Variants in RICTOR observed in about 807,000 individuals in gnomAD.
RICTOR encodes rapamycin-insensitive companion of mTOR.
A neutral mutation model predicts 214.9 loss-of-function variants in RICTOR; 49 were observed. The observed-to-expected ratio is 0.23, with a 90% CI of 0.18 to 0.29. The LOEUF is 0.29. Among genes scored for constraint, RICTOR ranks in the 10% least tolerant of loss-of-function variants. RICTOR has a pLI of 1.00. For missense variants in RICTOR, 1,625 were observed against 2,047.0 expected (o/e 0.79, Z 3.98); for synonymous variants, 717 against 711.3 (o/e 1.01, Z -0.13).
At chr5:38,964,952 G>A in intron 15 of RICTOR, 60 bp from the exon 16 acceptor site, 2 of 963,940 alleles carry the variant, frequency 2.1e-6, no homozygotes, top group South Asian at 2.8e-5. Context: ...TTATGTCACA[G>A]ATTACCTGCA....
At chr5:39,008,897 A>G (rs1252400298) in intron 3 of RICTOR, among the ~76,000 whole-genome samples, 1 of 152,062 alleles carries the variant, frequency 6.6e-6, no homozygotes, top group Admixed American at 6.5e-5. Context: ...TGTTATCATT[A>G]CTTCATCCTT....
rs572806575 is a variant in RICTOR at position 38,942,633 on chromosome 5, A to C, written c.5052+200T>G. 5.1e-4 allele frequency among the ~76,000 whole-genome samples: 77 copies of C among 151,416 alleles called. 1 individual carries two copies. Among genetic ancestry groups the C allele is most frequent in the Non-Finnish European group, 1.5e-5 (1 of 67,772 alleles). ...CCTCGGCTAATTAAAAAAAAAAAAA[A>C]ACTGTGTTGACACGGTCTCACTATG... On this transcript the variant is annotated intron_variant, in intron 37 of 37. Transcript: ENST00000357387.
chr5:39,004,921 A>C (rs1020708650), intron 3 of RICTOR, among the ~76,000 whole-genome samples: 4 of 151,202 alleles, frequency 2.6e-5, no homozygotes, highest in African/African-American at 9.7e-5. Flanking sequence ...AGCTGGGATT[A>C]CAGGCATGTG....
At chr5:38,989,220 C>T (rs1387508914) in intron 7 of RICTOR, among the ~76,000 whole-genome samples, 2 of 152,236 alleles carry the variant, frequency 1.3e-5, no homozygotes, top group African/African-American at 4.8e-5. Flanking sequence ...ACATCTACAA[C>T]CATCTGATCT....
intron 2 of RICTOR, among the ~76,000 whole-genome samples, chr5:39,041,895 C>T (rs186701564): frequency 7.2e-6 from 1 of 139,358 alleles, no homozygotes; most frequent in Admixed American, 7.6e-5. Context: ...GAGCTATGAT[C>T]ATGCCACTGG....
intron 2 of RICTOR, among the ~76,000 whole-genome samples, chr5:39,068,870 A>C (rs1759096998): frequency 2.0e-5 from 3 of 152,170 alleles, no homozygotes. Context: ...TTGGGGTGCA[A>C]AGTTTTACAC....
chr5:38,954,889 C>G (rs1561453089), intron 26 of RICTOR, 28 bp from the exon 27 acceptor site: 1 of 1,196,380 alleles, frequency 8.4e-7, no homozygotes, highest in Non-Finnish European at 1.2e-6. Context: ...ATTACTATAT[C>G]TCTTGGCTAA....
intron 36 of RICTOR, chr5:38,944,159 TAAAAAAGTGAGA>T (rs1448687226): frequency 1.4e-5 from 7 of 490,200 alleles, no homozygotes; most frequent in African/African-American, 9.7e-5. Context: ...TTTCCAAAAG[TAAAAAAGTGAGA>T]AGAGTGGCAT....
chr5:39,034,853 G>C (rs1756551392), intron 2 of RICTOR, among the ~76,000 whole-genome samples: 1 of 152,244 alleles, frequency 6.6e-6, no homozygotes, highest in Non-Finnish European at 1.5e-5. Context: ...GCAGCTCAAG[G>C]AGGCCTGCCT....
Position 38,940,567 on chromosome 5 carries a change from C to T in RICTOR, c.*1737G>A, listed in dbSNP as rs1011460263. On this transcript the variant is annotated 3_prime_UTR_variant, in exon 38 of 38. Transcript: ENST00000357387. ...GATAAAGTATAAAAAAATTATTTAT[C>T]TTCAACTGGATTTTATGAGAGAAAA... is the stretch of plus-strand genomic sequence containing the variant. 13 of 232,368 alleles carry T rather than the reference C, an allele frequency of 5.6e-5. 1 individual carries two copies. Among genetic ancestry groups the T allele is most frequent in the African/African-American group, 2.7e-4 (12 of 45,280 alleles). 14.4% of individuals were successfully genotyped at this position (232,368 alleles called of 1,614,324 possible).
At chr5:39,072,745 G>GA (rs968517031) in intron 2 of RICTOR, among the ~76,000 whole-genome samples, 36 of 152,116 alleles carry the variant, frequency 2.4e-4, no homozygotes, top group African/African-American at 7.7e-4. Flanking sequence ...CCGATCTGCT[G>GA]AAAAAAATGG....
intron 25 of RICTOR, among the ~76,000 whole-genome samples, chr5:38,957,071 T>A (rs1262982202): frequency 6.6e-6 from 1 of 152,130 alleles, no homozygotes; most frequent in Non-Finnish European, 1.5e-5. Flanking sequence ...CGATGACTTA[T>A]AATACTTCAA....
At position 39,042,395 on chromosome 5, in the gene RICTOR, CA is replaced by C. The variant is rs1461782219; in HGVS notation, c.98-21260del. Among the ~76,000 whole-genome samples, 3 of 152,172 alleles carry C rather than the reference CA, an allele frequency of 2.0e-5. No homozygotes were observed. In the East Asian group the frequency reaches 5.8e-4, roughly 29 times the overall value. On this transcript the variant is annotated intron_variant, in intron 2 of 37. Transcript: ENST00000357387. ...GAATAATCTCTTTTAATCTCCACAC[CA>C]ACCGTATAAGGTAGGTACTACTATT...
chr5:39,061,398 A>T (rs551495622), intron 2 of RICTOR, among the ~76,000 whole-genome samples: 1 of 152,132 alleles, frequency 6.6e-6, no homozygotes, highest in African/African-American at 2.4e-5. Flanking sequence ...CATGAGTGGA[A>T]GGTCTGAGTG....
chr5:38,991,152 G>C (rs1483959099), intron 6 of RICTOR, 77 bp from the exon 7 acceptor site: 1 of 828,610 alleles, frequency 1.2e-6, no homozygotes, highest in African/African-American at 1.8e-5. Flanking sequence ...GACTGAAGTA[G>C]TTAATAACAG....
intron 6 of RICTOR, among the ~76,000 whole-genome samples, chr5:38,992,135 C>T (rs1384745638): frequency 6.6e-6 from 1 of 152,034 alleles, no homozygotes; most frequent in Non-Finnish European, 1.5e-5. Flanking sequence ...ACAAAGTTCA[C>T]CTGAAATTAC....
At chr5:38,993,389 C>T (rs1256480100) in intron 6 of RICTOR, among the ~76,000 whole-genome samples, 1 of 151,658 alleles carries the variant, frequency 6.6e-6, no homozygotes. Flanking sequence ...ATAGTAGTAA[C>T]TGACTAGTGG....
intron 2 of RICTOR, among the ~76,000 whole-genome samples, chr5:39,066,668 A>C (rs1247175639): frequency 2.6e-5 from 4 of 152,242 alleles, no homozygotes; most frequent in African/African-American, 9.6e-5. Context: ...ACATCTTAGC[A>C]TGGGCTGTTA....
chr5:38,990,317 G>C (rs150796222), intron 7 of RICTOR, among the ~76,000 whole-genome samples: 2,831 of 151,332 alleles, frequency 0.019, 100 homozygotes, highest in African/African-American at 0.065. Flanking sequence ...ACAGGGAGAG[G>C]AACATCACAC....
Sources: allele counts gnomAD v4.1 joint callset (sites outside exome capture counted in the v4.1 genomes callset), GRCh38; gene constraint gnomAD v4.1.1; transcripts MANE v1.5; gene names NCBI Gene and HGNC (gene_info 2026-07-23, HGNC 2026-07-21).